MYO9A: variants seen among roughly 807,000 people sequenced by gnomAD.
The protein encoded by MYO9A is myosin IXA, also known as unconventional myosin-IXa.
In MYO9A, 103 loss-of-function variants were observed where a neutral mutation model predicts 293.3. The ratio of observed to expected loss-of-function variants is 0.35; its 90% CI spans 0.30 to 0.41. The LOEUF (loss-of-function observed/expected upper bound fraction) is 0.41. MYO9A is among the 10% of genes least tolerant of loss of function. The probability of loss-of-function intolerance (pLI) is 1.00; values close to 1 mark genes in which losing one functional copy is unlikely to be tolerated. For missense variants in MYO9A, 2,685 were observed against 3,033.0 expected, an observed-to-expected ratio of 0.89 and a Z score of 2.69; for synonymous variants, 1,001 against 1,035.7, an observed-to-expected ratio of 0.97 and a Z score of 0.64.
intron 15 of MYO9A, among the ~76,000 whole-genome samples, chr15:71,941,563 C>T: frequency 6.6e-6 from 1 of 152,076 alleles, no homozygotes; most frequent in Non-Finnish European, 1.5e-5. Flanking sequence ...ACATTTGTAA[C>T]TGGAGTTTCA....
intron 27 of MYO9A, among the ~76,000 whole-genome samples, chr15:71,886,532 C>G (rs780618608): frequency 1.3e-5 from 2 of 152,052 alleles, no homozygotes; most frequent in Non-Finnish European, 2.9e-5. Context: ...TCCAGAGATA[C>G]TCTGTTTTAT....
intron 37 of MYO9A, 59 bp downstream of exon 37, chr15:71,851,194 C>T (rs867968447): frequency 3.1e-6 from 4 of 1,294,120 alleles, no homozygotes; most frequent in Admixed American, 2.0e-5. Context: ...AATTCCTTAT[C>T]TATTTAAAAT....
chr15:72,059,584 TAAAAG>T (rs2078821465), intron 1 of MYO9A, among the ~76,000 whole-genome samples: 1 of 152,204 alleles, frequency 6.6e-6, no homozygotes, highest in Non-Finnish European at 1.5e-5. Flanking sequence ...TAAAACTTAC[TAAAAG>T]AAAAGAGGTT....
At chr15:71,868,314 CAA>C (rs1277370320) in intron 32 of MYO9A, among the ~76,000 whole-genome samples, 1 of 152,154 alleles carries the variant, frequency 6.6e-6, no homozygotes, top group Non-Finnish European at 1.5e-5. Flanking sequence ...TCAGAGACAT[CAA>C]AAGAGGATTG....
At chr15:71,852,362 CTTTTTTT>C (rs1159987320) in intron 35 of MYO9A, 102 bp from the exon 36 acceptor site, 12 of 613,962 alleles carry the variant, frequency 2.0e-5, no homozygotes, top group South Asian at 8.9e-5. Flanking sequence ...CTTCATGTTT[CTTTTTTT>C]TTTTTTTTTT....
chr15:72,021,969 T>G (rs1388340629), intron 4 of MYO9A, among the ~76,000 whole-genome samples: 1 of 152,134 alleles, frequency 6.6e-6, no homozygotes, highest in East Asian at 1.9e-4. Flanking sequence ...ACAATATACA[T>G]AGAGAGCCCT....
At chr15:71,844,490 C>T (rs2055299125) in intron 39 of MYO9A, among the ~76,000 whole-genome samples, 1 of 152,082 alleles carries the variant, frequency 6.6e-6, no homozygotes, top group African/African-American at 2.4e-5. Flanking sequence ...GAGTCAAATG[C>T]TCTAATGTGG....
chr15:72,045,960 T>G lies in MYO9A; in HGVS notation c.604A>C (p.Met202Leu). The G allele has an allele frequency of 6.2e-7, 1 of 1,614,198 alleles. No homozygotes were observed. The highest frequency in any genetic ancestry group is 1.1e-5 in the South Asian group (1 of 91,086). Residue 202 changes from methionine to leucine, a missense_variant, in exon 2 of 42, where the codon ATG (methionine) becomes CTG (leucine). Met to Leu is a conservative substitution (Grantham distance 15, BLOSUM62 2). Transcript: ENST00000356056. ...TTTCCCAGTTGGTGGTTATCATACA[T>G]TTTGACATATTTGGGGTTATAAATA... Reference protein sequence around the residue: ...LPIYNPKYVKMYDNHQLGKLE... With the variant: ...LPIYNPKYVKLYDNHQLGKLE...
chr15:71,935,304 A>G (rs550478422), intron 17 of MYO9A, 37 bp downstream of exon 17: 1 of 1,524,970 alleles, frequency 6.6e-7, no homozygotes, highest in Non-Finnish European at 8.8e-7. Flanking sequence ...AAAAAACAAA[A>G]AACAAAAAAC....
intron 2 of MYO9A, among the ~76,000 whole-genome samples, chr15:72,035,842 T>C (rs1209205054): frequency 6.6e-6 from 1 of 151,846 alleles, no homozygotes; most frequent in African/African-American, 2.4e-5. Context: ...TAGGACTCTA[T>C]GTATATGACA....
chr15:71,907,342 A>G (rs1340226593), intron 19 of MYO9A, among the ~76,000 whole-genome samples: 1 of 144,256 alleles, frequency 6.9e-6, no homozygotes, highest in African/African-American at 2.6e-5. Context: ...CCAGTCTATC[A>G]TTGTTGGACA....
intron 16 of MYO9A, among the ~76,000 whole-genome samples, chr15:71,936,502 A>G (rs553201350): frequency 2.0e-5 from 3 of 152,288 alleles, no homozygotes; most frequent in South Asian, 4.1e-4. Flanking sequence ...CCCACCACAA[A>G]AAAATGACAC....
At chr15:71,877,217 A>G (rs2056721410) in intron 31 of MYO9A, among the ~76,000 whole-genome samples, 2 of 152,200 alleles carry the variant, frequency 1.3e-5, no homozygotes, top group African/African-American at 4.8e-5. Flanking sequence ...ATTTTATAAA[A>G]ATTATTTAAT....
At position 71,897,662 on chromosome 15, in the gene MYO9A, G is replaced by T; in HGVS notation, c.4841C>A (p.Ser1614Tyr). ...FFERKGSPCQ[S>Y]STVKELSKTD... ...CTTGGATAATTCCTTGACAGTACTAGATTGGCATGGACTTCCTTTTCTTTC... is the reference window on the plus strand; with the variant it reads ...CTTGGATAATTCCTTGACAGTACTATATTGGCATGGACTTCCTTTTCTTTC... Residue 1614 changes from serine to tyrosine, a missense_variant, in exon 25 of 42, where the codon TCT (serine) becomes TAT (tyrosine). Physicochemically the swap from Ser to Tyr is moderately radical, Grantham distance 144. Around this residue, in one of 10 missense-constraint regions of MYO9A, gnomAD observed 1,434 missense variants for 1,497.7 expected, o/e 0.96. Transcript: ENST00000356056. 1 of 1,614,150 alleles carries T rather than the reference G, an allele frequency of 6.2e-7. No individual in the cohort carries two copies. Among genetic ancestry groups the T allele is most frequent in the East Asian group, 2.2e-5 (1 of 44,880 alleles).
intron 11 of MYO9A, among the ~76,000 whole-genome samples, chr15:71,981,227 AAACTGACCTAT>A (rs2076262941): frequency 6.6e-6 from 1 of 152,208 alleles, no homozygotes; most frequent in Non-Finnish European, 1.5e-5. Context: ...TTTATGAGTG[AAACTGACCTAT>A]AATTTCCACT....
chr15:72,099,239 G>C (rs1490886325), intron 1 of MYO9A, among the ~76,000 whole-genome samples: 1 of 151,902 alleles, frequency 6.6e-6, no homozygotes, highest in Non-Finnish European at 1.5e-5. Context: ...AGAAGTTCCA[G>C]ACCAGTCTGG....
intron 12 of MYO9A, among the ~76,000 whole-genome samples, chr15:71,969,227 C>T (rs1418281274): frequency 6.6e-6 from 1 of 152,178 alleles, no homozygotes; most frequent in Non-Finnish European, 1.5e-5. Context: ...ATGTTGCCAA[C>T]ACTGATATTT....
chr15:71,927,666 A>G (rs1303284263), intron 18 of MYO9A, among the ~76,000 whole-genome samples: 1 of 152,074 alleles, frequency 6.6e-6, no homozygotes, highest in Non-Finnish European at 1.5e-5. Flanking sequence ...GATCCCCCTG[A>G]TATGGATGAC....
intron 30 of MYO9A, 81 bp downstream of exon 30, chr15:71,879,640 G>T: frequency 1.0e-6 from 1 of 977,836 alleles, no homozygotes; most frequent in Non-Finnish European, 1.5e-6. Flanking sequence ...ACGAAACATG[G>T]CTTTTGTATT....
Sources: gnomAD v4.1 joint callset for allele counts (sites outside exome capture counted in the v4.1 genomes callset) on GRCh38, gnomAD v4.1.1 for gene constraint, gnomAD v4.1.1 regional missense constraint, MANE v1.5 for transcripts, NCBI Gene and HGNC (gene_info 2026-07-23, HGNC 2026-07-21) for gene names.